MGAT4C: variants seen among roughly 807,000 people sequenced by gnomAD.
The protein encoded by MGAT4C is alpha-1,3-mannosyl-glycoprotein 4-beta-N-acetylglucosaminyltransferase C.
In MGAT4C, 19 loss-of-function variants were observed where a neutral mutation model predicts 40.1. The observed-to-expected ratio is 0.47, with a 90% CI of 0.33 to 0.70. The LOEUF (loss-of-function observed/expected upper bound fraction) is 0.70, where lower values mean the gene tolerates loss of function less well. Among genes scored for constraint, MGAT4C ranks in the 30% least tolerant of loss-of-function variants. The pLI is 0.02. For missense variants in MGAT4C, 491 were observed against 563.2 expected, an observed-to-expected ratio of 0.87 and a Z score of 1.30; for synonymous variants, 181 against 187.1, an observed-to-expected ratio of 0.97 and a Z score of 0.27.
intron 4 of MGAT4C, among the ~76,000 whole-genome samples, chr12:86,273,639 T>C (rs1326213848): frequency 6.6e-6 from 1 of 152,138 alleles, no homozygotes; most frequent in Non-Finnish European, 1.5e-5. Context: ...TTCATCAGTG[T>C]ACAGATTATA....
intron 1 of MGAT4C, among the ~76,000 whole-genome samples, chr12:86,769,296 T>C (rs1951583463): frequency 1.3e-5 from 2 of 151,782 alleles, no homozygotes; most frequent in Admixed American, 6.6e-5. Flanking sequence ...ATCAGAGAAA[T>C]GCAAATCAAA....
chr12:86,172,881 T>C (rs1399275693), intron 1 of MGAT4C, among the ~76,000 whole-genome samples: 1 of 152,148 alleles, frequency 6.6e-6, no homozygotes, highest in Non-Finnish European at 1.5e-5. Context: ...TAATGAATAT[T>C]AATGATTAAC....
chr12:86,318,659 T>C (rs1954303289), intron 4 of MGAT4C, among the ~76,000 whole-genome samples: 1 of 152,162 alleles, frequency 6.6e-6, no homozygotes, highest in Non-Finnish European at 1.5e-5. Context: ...GACTATATTA[T>C]ACTATGTTGT....
chr12:86,026,543 C>G (rs1163288089), intron 2 of MGAT4C, among the ~76,000 whole-genome samples: 2 of 151,912 alleles, frequency 1.3e-5, no homozygotes, highest in African/African-American at 4.8e-5. Context: ...GTTCCAAATA[C>G]TATCTTACAA....
chr12:86,017,562 A>T (rs1470284290), intron 2 of MGAT4C, among the ~76,000 whole-genome samples: 5 of 152,194 alleles, frequency 3.3e-5, no homozygotes, highest in African/African-American at 9.7e-5. Context: ...TAAAGATATT[A>T]AAAAAGGTAA....
At chr12:86,464,743 A>T (rs1957655157) in intron 2 of MGAT4C, among the ~76,000 whole-genome samples, 1 of 152,088 alleles carries the variant, frequency 6.6e-6, no homozygotes, top group Non-Finnish European at 1.5e-5. Flanking sequence ...GTTAACACTG[A>T]CTTAATATTC....
chr12:86,461,675 A>C (rs901965000), intron 2 of MGAT4C, among the ~76,000 whole-genome samples: 1 of 152,190 alleles, frequency 6.6e-6, no homozygotes, highest in Non-Finnish European at 1.5e-5. Flanking sequence ...GTGCACTAAG[A>C]ATTCTAATAG....
At chr12:86,079,472 A>G (rs1215794704) in intron 1 of MGAT4C, among the ~76,000 whole-genome samples, 1 of 152,208 alleles carries the variant, frequency 6.6e-6, no homozygotes, top group Non-Finnish European at 1.5e-5. Context: ...GAGCAAGGAC[A>G]AACTGTGAGT....
chr12:86,512,027 A>C (rs1025044277), intron 2 of MGAT4C, among the ~76,000 whole-genome samples: 1 of 152,158 alleles, frequency 6.6e-6, no homozygotes, highest in Non-Finnish European at 1.5e-5. Context: ...AAATATATTA[A>C]AAAACCTACA....
At position 86,474,188 on chromosome 12, in the gene MGAT4C, G is replaced by C. The variant is rs375459955; in HGVS notation, c.-228-38923C>G. Among the ~76,000 whole-genome samples, 497 of 151,844 alleles carry C rather than the reference G, an allele frequency of 3.3e-3. 2 individuals are homozygous for C. Among genetic ancestry groups the C allele is most frequent in the African/African-American group, 0.012 (480 of 41,384 alleles). ...CATATACACCATGGAATACTATGCA[G>C]CCATAAAAAATGATGAGTTCATGTC... On this transcript the variant is annotated intron_variant, in intron 2 of 7. Transcript: ENST00000548651.
intron 2 of MGAT4C, among the ~76,000 whole-genome samples, chr12:86,702,416 G>A (rs944265734): frequency 2.0e-5 from 3 of 152,096 alleles, no homozygotes; most frequent in South Asian, 4.1e-4. Flanking sequence ...TATCTATGAA[G>A]GAAAAGTCAA....
At position 86,767,406 on chromosome 12, in the gene MGAT4C, T is replaced by A. The variant is rs928005300; in HGVS notation, c.-261-40165A>T. Among the ~76,000 whole-genome samples, 8 of 152,142 alleles carry A rather than the reference T, an allele frequency of 5.3e-5. No homozygotes were observed. In the East Asian group the frequency reaches 5.8e-4, roughly 11 times the overall value. On this transcript the variant is annotated intron_variant, in intron 1 of 7. Coordinates refer to the MGAT4C transcript ENST00000548651. ...CAACCAAAAAGAGTCCAGGACCAGA[T>A]GGATTCACAGCTGAATTCTACCAGA...
chr12:86,624,375 T>A (rs377313688), intron 2 of MGAT4C, among the ~76,000 whole-genome samples: 1 of 152,140 alleles, frequency 6.6e-6, no homozygotes, highest in Non-Finnish European at 1.5e-5. Flanking sequence ...CAGGAAGTAA[T>A]GGTTAAGGCA....
intron 3 of MGAT4C, among the ~76,000 whole-genome samples, chr12:86,383,178 A>G (rs1295135245): frequency 6.6e-6 from 1 of 152,212 alleles, no homozygotes; most frequent in Admixed American, 6.5e-5. Context: ...TGCCCAAGGC[A>G]GTGGGAGCCC....
chr12:86,569,978 T>C (rs185490380), intron 2 of MGAT4C, among the ~76,000 whole-genome samples: 1 of 152,100 alleles, frequency 6.6e-6, no homozygotes, highest in Non-Finnish European at 1.5e-5. Context: ...ATCTCACTTA[T>C]ATATAGAATC....
chr12:86,297,674 G>A (rs901719407), intron 4 of MGAT4C, among the ~76,000 whole-genome samples: 5 of 152,130 alleles, frequency 3.3e-5, no homozygotes, highest in Admixed American at 3.3e-4. Context: ...AGTTGGTGCT[G>A]ATAAGATTTG....
intron 2 of MGAT4C, among the ~76,000 whole-genome samples, chr12:86,609,224 A>C (rs1962159660): frequency 6.6e-6 from 1 of 152,158 alleles, no homozygotes; most frequent in African/African-American, 2.4e-5. Flanking sequence ...CAGGATAATC[A>C]AAGACTCAGA....
intron 3 of MGAT4C, among the ~76,000 whole-genome samples, chr12:86,335,453 A>C (rs1353165501): frequency 6.6e-6 from 1 of 152,042 alleles, no homozygotes; most frequent in African/African-American, 2.4e-5. Context: ...TTAGATGAGC[A>C]ATATTAGCAA....
chr12:86,664,548 A>G (rs1293243842), intron 2 of MGAT4C, among the ~76,000 whole-genome samples: 1 of 152,178 alleles, frequency 6.6e-6, no homozygotes, highest in Non-Finnish European at 1.5e-5. Flanking sequence ...TAGAAGCATC[A>G]TAAGTTAGGG....
Sources: allele counts gnomAD v4.1 joint callset (sites outside exome capture counted in the v4.1 genomes callset), GRCh38; gene constraint gnomAD v4.1.1; transcripts MANE v1.5; gene names NCBI Gene and HGNC (gene_info 2026-07-23, HGNC 2026-07-21).